SULF1: variants seen among roughly 807,000 people sequenced by gnomAD.
SULF1 encodes the protein extracellular sulfatase Sulf-1.
In SULF1, 46 loss-of-function variants were observed where a neutral mutation model predicts 110.5. That is an observed-to-expected ratio of 0.42 (90% CI 0.33 to 0.53). The LOEUF is 0.53. Ranked by LOEUF, SULF1 falls within the 20% of genes least tolerant of loss-of-function variation. The probability of loss-of-function intolerance (pLI) is 0.12; values close to 1 mark genes in which losing one functional copy is unlikely to be tolerated. For missense variants in SULF1, 941 were observed against 1,094.2 expected, an observed-to-expected ratio of 0.86 and a Z score of 1.98; for synonymous variants, 371 against 387.1, an observed-to-expected ratio of 0.96 and a Z score of 0.49.
At chr8:69,626,893 C>T (rs112399703) in intron 15 of SULF1, among the ~76,000 whole-genome samples, 2,915 of 152,370 alleles carry the variant, frequency 0.019, 95 homozygotes, top group African/African-American at 0.067. Flanking sequence ...CGGCACTGGC[C>T]TTGGCCAGCT....
intron 3 of SULF1, among the ~76,000 whole-genome samples, chr8:69,526,427 AAAAAATCTTCC>A (rs1812664881): frequency 6.6e-6 from 1 of 152,042 alleles, no homozygotes; most frequent in Non-Finnish European, 1.5e-5. Context: ...GTCAATTTTT[AAAAAATCTTCC>A]ATTTCAAAAT....
At chr8:69,629,462 G>A (rs756509754) in intron 18 of SULF1, 42 bp from the exon 19 acceptor site, 1 of 1,556,392 alleles carries the variant, frequency 6.4e-7, no homozygotes, top group East Asian at 2.3e-5. Context: ...AATTGAGAAA[G>A]TGCCTTCTGA....
intron 3 of SULF1, among the ~76,000 whole-genome samples, chr8:69,560,009 C>T (rs574975802): frequency 5.3e-5 from 8 of 152,220 alleles, no homozygotes; most frequent in Admixed American, 2.6e-4. Flanking sequence ...GAAATGTCAG[C>T]GCAGTGAAGA....
intron 3 of SULF1, among the ~76,000 whole-genome samples, chr8:69,507,790 G>A (rs572724249): frequency 6.6e-6 from 1 of 152,210 alleles, no homozygotes; most frequent in Middle Eastern, 3.4e-3. Flanking sequence ...GAGATATGAG[G>A]TCCTTCTCTC....
intron 21 of SULF1, 128 bp downstream of exon 21, chr8:69,638,986 A>C (rs911768196): frequency 1.1e-6 from 1 of 943,030 alleles, no homozygotes. Context: ...GACACTTTCC[A>C]GGCAATTCTA....
In SULF1 at chr8:69,658,065, C is replaced by T. The variant is rs113738517; in HGVS notation, c.2586-440C>T. On this transcript the variant is annotated intron_variant, in intron 22 of 22. Coordinates refer to ENST00000402687, the MANE Select transcript of SULF1 (RefSeq NM_001128205.2). ...CATACTAAGCATTGCCTATTACATT[C>T]AAATACTTTCAAATTTGTCATTCAC... Among the ~76,000 whole-genome samples the T allele has an allele frequency of 7.0e-3, 1,071 of 152,308 alleles. 11 individuals are homozygous for T. Among genetic ancestry groups the T allele is most frequent in the African/African-American group, 0.025 (1,026 of 41,574 alleles).
At chr8:69,523,549 A>G (rs1316041148) in intron 3 of SULF1, among the ~76,000 whole-genome samples, 2 of 152,118 alleles carry the variant, frequency 1.3e-5, no homozygotes, top group African/African-American at 4.8e-5. Context: ...AGGTGCAGAT[A>G]CGGAGCAGCC....
rs1586217479 is a variant in SULF1, at chr8:69,493,847, A to G, written c.-391+722A>G. The stretch of plus-strand genomic sequence containing the variant: ...AAACTATGTGTCTTAAAGAGTGCTG[A>G]ATTAACAGAGTACTCTTCTCAGAGA... On this transcript the variant is annotated intron_variant, in intron 1 of 22. Coordinates refer to ENST00000402687, the MANE Select transcript of SULF1 (RefSeq NM_001128205.2). 2.0e-5 allele frequency among the ~76,000 whole-genome samples: 3 copies of G among 152,362 alleles called. No individual in the cohort carries two copies. The South Asian group carries it at 6.2e-4, about 32-fold the overall frequency.
chr8:69,621,511 GA>G (rs1809607560), intron 14 of SULF1, among the ~76,000 whole-genome samples: 1 of 152,000 alleles, frequency 6.6e-6, no homozygotes, highest in African/African-American at 2.4e-5. Context: ...ACACATAAAA[GA>G]GTTTATAAAA....
At chr8:69,633,584 G>T (rs577103646) in intron 19 of SULF1, among the ~76,000 whole-genome samples, 4 of 151,864 alleles carry the variant, frequency 2.6e-5, no homozygotes, top group East Asian at 1.9e-4. Flanking sequence ...TGATCCACCC[G>T]CCTCGGCCTC....
In SULF1 at chr8:69,552,738, C is replaced by T. The variant is rs1814816961; in HGVS notation, c.-133-10801C>T. ...TCTCCCATAATTACCAGTAAACCAC[C>T]ACATAGGTATGTTCTGTAAGAGATG... On this transcript the variant is annotated intron_variant, in intron 3 of 22. Coordinates refer to ENST00000402687, the MANE Select transcript of SULF1 (RefSeq NM_001128205.2). 2.6e-5 allele frequency among the ~76,000 whole-genome samples: 4 copies of T among 152,180 alleles called. No homozygotes were observed. In the South Asian group the frequency reaches 8.3e-4, roughly 31 times the overall value.
intron 19 of SULF1, 127 bp downstream of exon 19, chr8:69,629,806 T>C: frequency 1.2e-6 from 1 of 848,862 alleles, no homozygotes; most frequent in Non-Finnish European, 1.8e-6. Context: ...CATATTCTAC[T>C]CTATACTGGA....
intron 13 of SULF1, among the ~76,000 whole-genome samples, chr8:69,615,458 C>A (rs2130502703): frequency 6.6e-6 from 1 of 152,144 alleles, no homozygotes; most frequent in South Asian, 2.1e-4. Context: ...TTTTCAAAGC[C>A]TCTAGTTAAT....
At chr8:69,505,302 T>C (rs180690400) in intron 3 of SULF1, among the ~76,000 whole-genome samples, 2 of 152,268 alleles carry the variant, frequency 1.3e-5, no homozygotes, top group East Asian at 3.9e-4. Context: ...TGAAGCCTGG[T>C]TTTCAGCTTA....
At chr8:69,528,538 G>A (rs1470096512) in intron 3 of SULF1, among the ~76,000 whole-genome samples, 1 of 152,142 alleles carries the variant, frequency 6.6e-6, no homozygotes, top group Non-Finnish European at 1.5e-5. Flanking sequence ...CTTTAATTAT[G>A]TACTGGTAAA....
At chr8:69,507,464 A>T (rs778828787) in intron 3 of SULF1, among the ~76,000 whole-genome samples, 26 of 152,192 alleles carry the variant, frequency 1.7e-4, no homozygotes, top group Non-Finnish European at 2.6e-4. Context: ...ATTTGACCGC[A>T]TTTATCTGCT....
chr8:69,590,159 A>G (rs1436917546), intron 8 of SULF1, among the ~76,000 whole-genome samples: 1 of 152,094 alleles, frequency 6.6e-6, no homozygotes, highest in Non-Finnish European at 1.5e-5. Context: ...AGAAGTTTTT[A>G]TAAAATGTTC....
At position 69,486,516 on chromosome 8, in the gene SULF1, A is replaced by G. The variant is rs142914214; in HGVS notation, c.-390-9249A>G. On this transcript the variant is annotated intron_variant, in intron 1 of 22. Transcript: ENST00000260128. ...TTTTTCCAGACTAATTAAATTTCCT[A>G]CGCTGGTAAAGTGCTTCTTCCCACA... Among the ~76,000 whole-genome samples the G allele has an allele frequency of 1.4e-3, 211 of 152,246 alleles. 1 individual carries two copies. The highest frequency in any genetic ancestry group is 8.3e-3 in the South Asian group (40 of 4,818).
At chr8:69,627,546 A>G (rs1004289831) in intron 16 of SULF1, among the ~76,000 whole-genome samples, 1 of 152,280 alleles carries the variant, frequency 6.6e-6, no homozygotes, top group Non-Finnish European at 1.5e-5. Flanking sequence ...TCTGTGAGAA[A>G]ATGATTCAGT....
Sources: gnomAD v4.1 joint callset for allele counts (sites outside exome capture counted in the v4.1 genomes callset) on GRCh38, gnomAD v4.1.1 for gene constraint, MANE v1.5 for transcripts, NCBI Gene and HGNC (gene_info 2026-07-23, HGNC 2026-07-21) for gene names.